The following HYAL4 variants were observed in gnomAD, a reference collection of about 807,000 sequenced individuals.
HYAL4 encodes hyaluronidase-4.
Under a neutral mutation model 35.2 loss-of-function variants are expected in HYAL4, and 37 were observed. That is an observed-to-expected ratio of 1.05 (90% CI 0.81 to 1.38). The LOEUF (loss-of-function observed/expected upper bound fraction) is 1.38. Ranked by LOEUF, HYAL4 falls within the 40% of genes most tolerant of loss-of-function variation. HYAL4 has a pLI of 0.00. For missense variants in HYAL4, 572 were observed against 572.4 expected, an observed-to-expected ratio of 1.00 and a Z score of 0.01; for synonymous variants, 198 against 203.2, an observed-to-expected ratio of 0.97 and a Z score of 0.22.
chr7:123,869,294 A>G (rs1563004194), intron 3 of HYAL4, 67 bp downstream of exon 3: 1 of 1,082,078 alleles, frequency 9.2e-7, no homozygotes. Context: ...TTCTTTGTTA[A>G]TTATGTTCTT....
chr7:123,866,050 A>G (rs143907397), intron 2 of HYAL4, among the ~76,000 whole-genome samples: 244 of 152,292 alleles, frequency 1.6e-3, no homozygotes, highest in Non-Finnish European at 3.2e-3. Context: ...TTGTGATACA[A>G]TTACCTGCCA....
chr7:123,834,796 A>C (rs1228577619), intron 1 of HYAL4, among the ~76,000 whole-genome samples: 1 of 152,094 alleles, frequency 6.6e-6, no homozygotes, highest in Non-Finnish European at 1.5e-5. Flanking sequence ...TAAAGGGACA[A>C]TGGATTTTGT....
chr7:123,874,895 G>A, intron 4 of HYAL4, 45 bp downstream of exon 4: 4 of 1,111,492 alleles, frequency 3.6e-6, no homozygotes, highest in Non-Finnish European at 5.5e-6. Context: ...TCTATTAAAA[G>A]TATTTCTCTG....
chr7:123,831,298 C>T (rs977121731), intron 1 of HYAL4, among the ~76,000 whole-genome samples: 2 of 152,202 alleles, frequency 1.3e-5, no homozygotes, highest in Non-Finnish European at 2.9e-5. Flanking sequence ...AAAGCCCTCA[C>T]CAGAAGCCAG....
intron 3 of HYAL4, among the ~76,000 whole-genome samples, chr7:123,874,485 C>T (rs777796538): frequency 7.9e-5 from 12 of 152,044 alleles, no homozygotes; most frequent in Non-Finnish European, 1.6e-4. Context: ...CTCACTGCAA[C>T]CTCCGTCTCC....
chr7:123,861,486 G>T (rs186678617), intron 2 of HYAL4, among the ~76,000 whole-genome samples: 12 of 152,148 alleles, frequency 7.9e-5, no homozygotes, highest in Non-Finnish European at 1.6e-4. Context: ...GAAATCTGTT[G>T]ATCTTGGCTG....
the HYAL4 span, among the ~76,000 whole-genome samples, chr7:123,781,477 A>G: frequency 7.0e-6 from 1 of 142,928 alleles, no homozygotes; most frequent in African/African-American, 2.6e-5. Context: ...CCATATGCTG[A>G]ACGCTGGTTC....
intron 1 of HYAL4, among the ~76,000 whole-genome samples, chr7:123,839,214 C>T (rs1806015178): frequency 6.6e-6 from 1 of 151,948 alleles, no homozygotes; most frequent in Admixed American, 6.6e-5. Context: ...TCAATTCCCA[C>T]CTATGAGTGA....
At chr7:123,775,447 A>AG in the HYAL4 span, among the ~76,000 whole-genome samples, 6 of 152,038 alleles carry the variant, frequency 3.9e-5, no homozygotes, top group Non-Finnish European at 7.4e-5. Context: ...AGAAAAAAAA[A>AG]TGAAAGAAAA....
the HYAL4 span, among the ~76,000 whole-genome samples, chr7:123,790,112 C>T: frequency 1.3e-5 from 2 of 152,108 alleles, no homozygotes; most frequent in African/African-American, 4.8e-5. Context: ...TTAAGGCCTT[C>T]TACTGATTAG....
chr7:123,779,932 TA>T, the HYAL4 span, among the ~76,000 whole-genome samples: 1 of 152,216 alleles, frequency 6.6e-6, no homozygotes, highest in Non-Finnish European at 1.5e-5. Flanking sequence ...CAAATACACA[TA>T]AAAAACTATC....
chr7:123,777,200 T>C, the HYAL4 span, among the ~76,000 whole-genome samples: 1 of 152,230 alleles, frequency 6.6e-6, no homozygotes, highest in East Asian at 1.9e-4. Context: ...TGGTAGCCAC[T>C]AGCCACATGT....
chr7:123,785,178 T>C, the HYAL4 span, among the ~76,000 whole-genome samples: 1 of 152,186 alleles, frequency 6.6e-6, no homozygotes, highest in African/African-American at 2.4e-5. The surrounding 1 kb of genome is among the most constrained non-coding windows in gnomAD (Gnocchi z 4.5). Flanking sequence ...CTCTGCATCC[T>C]GTGTTTAAAT....
At chr7:123,794,215 G>A in the HYAL4 span, among the ~76,000 whole-genome samples, 11 of 152,280 alleles carry the variant, frequency 7.2e-5, no homozygotes, top group African/African-American at 2.6e-4. Flanking sequence ...GTATCTGGTG[G>A]AAGAACCATC....
intron 2 of HYAL4, among the ~76,000 whole-genome samples, chr7:123,865,486 T>G (rs1003302751): frequency 1.3e-5 from 2 of 152,336 alleles, no homozygotes; most frequent in Middle Eastern, 3.4e-3. Context: ...GTATGATATA[T>G]TTCATGCTAC....
the HYAL4 span, among the ~76,000 whole-genome samples, chr7:123,770,033 G>T: frequency 6.6e-6 from 1 of 151,860 alleles, no homozygotes; most frequent in Non-Finnish European, 1.5e-5. Context: ...ATAATAAAAG[G>T]CTGGGCATGA....
chr7:123,846,505 A>G (rs1806176761), intron 1 of HYAL4, among the ~76,000 whole-genome samples: 1 of 151,902 alleles, frequency 6.6e-6, no homozygotes. Flanking sequence ...GCCCTCTCAA[A>G]CAGCACCGAG....
the HYAL4 span, among the ~76,000 whole-genome samples, chr7:123,823,640 A>G: frequency 6.6e-6 from 1 of 151,198 alleles, no homozygotes; most frequent in Admixed American, 6.6e-5. Flanking sequence ...TTATTGGTCT[A>G]TTCAGATATT....
chr7:123,861,498 AAG>A (rs2116945655), intron 2 of HYAL4, among the ~76,000 whole-genome samples: 1 of 152,312 alleles, frequency 6.6e-6, no homozygotes, highest in East Asian at 1.9e-4. Flanking sequence ...TCTTGGCTGT[AAG>A]AAATTTCAAG....
Sources: gnomAD v4.1 joint callset for allele counts (sites outside exome capture counted in the v4.1 genomes callset) on GRCh38, gnomAD v4.1.1 for gene constraint, Gnocchi (gnomAD v3.1) non-coding constraint, MANE v1.5 for transcripts, NCBI Gene and HGNC (gene_info 2026-07-23, HGNC 2026-07-21) for gene names.